The following KIF6 variants were observed in gnomAD, a reference collection of about 807,000 sequenced individuals.
KIF6 encodes the protein kinesin family member 6.
In KIF6, 106 loss-of-function variants were observed where a neutral mutation model predicts 112.7. The observed-to-expected ratio is 0.94, with a 90% CI of 0.80 to 1.11. KIF6 has a LOEUF of 1.11. Among genes scored for constraint, KIF6 ranks in the 50% least tolerant of loss-of-function variants. The pLI is 0.00. For missense variants in KIF6, 929 were observed against 964.0 expected, an observed-to-expected ratio of 0.96 and a Z score of 0.48; for synonymous variants, 339 against 339.9, an observed-to-expected ratio of 1.00 and a Z score of 0.03.
At chr6:39,382,510 T>A (rs775324964) in intron 16 of KIF6, among the ~76,000 whole-genome samples, 3 of 152,226 alleles carry the variant, frequency 2.0e-5, no homozygotes, top group Non-Finnish European at 4.4e-5. Flanking sequence ...TGTTTTTTTT[T>A]ATGGCCGTGT....
chr6:39,628,737 G>C (rs1453614144), intron 5 of KIF6, among the ~76,000 whole-genome samples: 4 of 151,856 alleles, frequency 2.6e-5, no homozygotes, highest in Non-Finnish European at 5.9e-5. Flanking sequence ...AATTCTGTGG[G>C]TTTTGACAAA....
At chr6:39,508,766 G>A (rs1427603123) in intron 13 of KIF6, among the ~76,000 whole-genome samples, 1 of 152,122 alleles carries the variant, frequency 6.6e-6, no homozygotes, top group Non-Finnish European at 1.5e-5. Context: ...GCTCAGCAAG[G>A]CCTCTATAGA....
chr6:39,373,752 T>C (rs1042108227), intron 16 of KIF6, among the ~76,000 whole-genome samples: 1 of 152,132 alleles, frequency 6.6e-6, no homozygotes, highest in Non-Finnish European at 1.5e-5. Context: ...TGGAAAGATA[T>C]ATTGTATTCA....
chr6:39,503,850 A>G (rs1256924274), intron 13 of KIF6, among the ~76,000 whole-genome samples: 1 of 113,610 alleles, frequency 8.8e-6, no homozygotes, highest in Non-Finnish European at 2.0e-5. Context: ...AACCAACCAG[A>G]AAAAAAAAAA....
In KIF6 at chr6:39,455,854, G is replaced by T. The variant is rs1248266097; in HGVS notation, c.1646-24693C>A. Among the ~76,000 whole-genome samples the T allele has an allele frequency of 3.5e-3, 487 of 139,512 alleles. 1 individual carries two copies. Among genetic ancestry groups the T allele is most frequent in the African/African-American group, 0.012 (462 of 37,386 alleles). 91.5% of individuals were successfully genotyped at this position (139,512 alleles called of 152,430 possible). A position where few individuals can be genotyped will look rare whatever the true frequency, so the allele number is the denominator to read the frequency against. ...AAAAAGAAATGAGCAAAGCCTCCAA[G>T]AAATATGGGACTATGTGAAAAGACC... is the stretch of plus-strand genomic sequence containing the variant. On this transcript the variant is annotated intron_variant, in intron 13 of 22. Transcript: ENST00000287152.
intron 13 of KIF6, among the ~76,000 whole-genome samples, chr6:39,460,746 G>A (rs1773426331): frequency 6.6e-6 from 1 of 152,100 alleles, no homozygotes; most frequent in South Asian, 2.1e-4. Context: ...GAATGTGGGT[G>A]ACAAAATACT....
intron 3 of KIF6, among the ~76,000 whole-genome samples, chr6:39,698,185 T>G (rs187310105): frequency 4.6e-5 from 7 of 152,334 alleles, no homozygotes; most frequent in Admixed American, 3.9e-4. Context: ...TTCTTGTGGC[T>G]TCCTTGGAAA....
At chr6:39,428,777 T>C (rs1373065730) in intron 14 of KIF6, among the ~76,000 whole-genome samples, 1 of 152,252 alleles carries the variant, frequency 6.6e-6, no homozygotes, top group Non-Finnish European at 1.5e-5. Flanking sequence ...CTCAGTGCTA[T>C]GCTTTTAAGG....
intron 14 of KIF6, among the ~76,000 whole-genome samples, chr6:39,424,269 T>C (rs933519536): frequency 3.4e-4 from 52 of 152,294 alleles, no homozygotes; most frequent in African/African-American, 1.0e-3. Context: ...CTGGATAGCA[T>C]TCCAGGACTG....
chr6:39,635,605 AGAGAGAAAT>A (rs1469437240), intron 4 of KIF6, among the ~76,000 whole-genome samples: 1 of 152,084 alleles, frequency 6.6e-6, no homozygotes, highest in African/African-American at 2.4e-5. Flanking sequence ...GCTATTAGAT[AGAGAGAAAT>A]GAGAGAAATG....
intron 10 of KIF6, among the ~76,000 whole-genome samples, chr6:39,555,668 T>C (rs1779666093): frequency 6.6e-6 from 1 of 152,052 alleles, no homozygotes; most frequent in East Asian, 1.9e-4. Flanking sequence ...TTTACAGTAA[T>C]GAGGCCGGGT....
intron 10 of KIF6, among the ~76,000 whole-genome samples, chr6:39,575,844 C>T (rs1030132935): frequency 6.6e-6 from 1 of 152,170 alleles, no homozygotes; most frequent in Non-Finnish European, 1.5e-5. Flanking sequence ...TGCACCCATG[C>T]CTTAGTCTAT....
At chr6:39,694,839 A>C (rs1309323769) in intron 3 of KIF6, among the ~76,000 whole-genome samples, 2 of 151,990 alleles carry the variant, frequency 1.3e-5, no homozygotes, top group Admixed American at 6.6e-5. Flanking sequence ...ATATGGAACC[A>C]AAAAAAAGCT....
chr6:39,695,632 T>C (rs1788489002), intron 3 of KIF6, among the ~76,000 whole-genome samples: 1 of 152,160 alleles, frequency 6.6e-6, no homozygotes. Context: ...TTGCTATTAT[T>C]AAAAAGTCAG....
At chr6:39,640,284 G>T (rs1784837907) in intron 3 of KIF6, among the ~76,000 whole-genome samples, 1 of 152,062 alleles carries the variant, frequency 6.6e-6, no homozygotes, top group Non-Finnish European at 1.5e-5. Context: ...TTTGGTAGAA[G>T]ATGCTAGTCC....
intron 10 of KIF6, among the ~76,000 whole-genome samples, chr6:39,572,619 C>A (rs2150623750): frequency 6.9e-6 from 1 of 145,948 alleles, no homozygotes; most frequent in East Asian, 2.0e-4. Flanking sequence ...AGATTTGGGT[C>A]AGGATACAAT....
At chr6:39,354,943 C>A (rs1581655740) in intron 19 of KIF6, among the ~76,000 whole-genome samples, 1 of 152,104 alleles carries the variant, frequency 6.6e-6, no homozygotes, top group African/African-American at 2.4e-5. Context: ...TTTGAGAGGC[C>A]AAGGTGGGAG....
At chr6:39,521,018 T>C (rs1307492220) in intron 13 of KIF6, among the ~76,000 whole-genome samples, 1 of 152,200 alleles carries the variant, frequency 6.6e-6, no homozygotes, top group African/African-American at 2.4e-5. Flanking sequence ...ATACATTCCC[T>C]ACTGAATGCA....
In KIF6 at chr6:39,554,378, G is replaced by C. The variant is rs532229913; in HGVS notation, c.1182-8690C>G. On this transcript the variant is annotated intron_variant, in intron 10 of 22. Transcript: ENST00000287152. ...GAACAGCCTGACTGGCCCCTTCAAG[G>C]CTGGTGAACAAGGAGGCATGGAGCT... 1.8e-4 allele frequency: 29 copies of C among 158,098 alleles called. No homozygotes were observed. The South Asian group carries it at 4.4e-3, about 24-fold the overall frequency. The allele number at this position is 158,098 out of a possible 1,614,324, so 9.8% of individuals were successfully genotyped here.
Sources: allele counts gnomAD v4.1 joint callset (sites outside exome capture counted in the v4.1 genomes callset), GRCh38; gene constraint gnomAD v4.1.1; transcripts MANE v1.5; gene names NCBI Gene and HGNC (gene_info 2026-07-23, HGNC 2026-07-21).